Variants in BAZ2B observed in about 807,000 individuals in gnomAD.
BAZ2B encodes the protein bromodomain adjacent to zinc finger domain protein 2B.
In BAZ2B, 91 loss-of-function variants were observed where a neutral mutation model predicts 246.0. The observed-to-expected ratio is 0.37, with a 90% CI of 0.31 to 0.44. BAZ2B has a LOEUF of 0.44. Among genes scored for constraint, BAZ2B ranks in the 20% least tolerant of loss-of-function variants. BAZ2B has a pLI of 1.00. For missense variants in BAZ2B, 2,332 were observed against 2,533.7 expected, an observed-to-expected ratio of 0.92 and a Z score of 1.71; for synonymous variants, 855 against 860.0, an observed-to-expected ratio of 0.99 and a Z score of 0.10.
Position 159,350,213 on chromosome 2 carries a change from T to G in BAZ2B, c.4358A>C (p.Lys1453Thr). Residue 1453 changes from lysine (K) to threonine (T), a missense_variant, in exon 28 of 37, where the codon AAA (lysine) becomes ACA (threonine). Physicochemically the swap from Lys to Thr is moderately conservative, Grantham distance 78. Coordinates refer to ENST00000392783, the MANE Select transcript of BAZ2B (RefSeq NM_013450.4). ...CTGAAGGAATAGATTTGTGTTATCTTTTTCTTTAAGATCTTCCTTTTGTTC... is the reference window on the plus strand; with the variant it reads ...CTGAAGGAATAGATTTGTGTTATCTGTTTCTTTAAGATCTTCCTTTTGTTC... ...HCEQKEDLKEKDNTNLFLQKP... is the reference protein window; with the variant it reads ...HCEQKEDLKETDNTNLFLQKP... The G allele has an allele frequency of 4.3e-6, 7 of 1,613,996 alleles. No homozygotes were observed. Among genetic ancestry groups the G allele is most frequent in the Non-Finnish European group, 5.9e-6 (7 of 1,179,958 alleles).
At chr2:159,362,621 C>T (rs1271575770) in intron 27 of BAZ2B, among the ~76,000 whole-genome samples, 1 of 152,174 alleles carries the variant, frequency 6.6e-6, no homozygotes, top group African/African-American at 2.4e-5. Flanking sequence ...TGGTGCCCAA[C>T]AAAGTCCCGA....
At chr2:159,550,121 G>C (rs745675443) in intron 2 of BAZ2B, among the ~76,000 whole-genome samples, 24 of 152,110 alleles carry the variant, frequency 1.6e-4, no homozygotes, top group Non-Finnish European at 2.9e-4. Flanking sequence ...GATTAAAAAA[G>C]GCGTGAGCCA....
At chr2:159,680,780 T>A in the BAZ2B span, among the ~76,000 whole-genome samples, 1 of 152,200 alleles carries the variant, frequency 6.6e-6, no homozygotes. Context: ...TGTTACCCCC[T>A]ATTGCAAAAT....
chr2:159,429,304 T>C (rs2070632744), intron 10 of BAZ2B, 44 bp from the exon 11 acceptor site: 2 of 1,132,300 alleles, frequency 1.8e-6, no homozygotes, highest in East Asian at 5.3e-5. Context: ...TTCATTAATA[T>C]AAATAATAAT....
the BAZ2B span, among the ~76,000 whole-genome samples, chr2:159,702,491 T>A: frequency 4.0e-5 from 6 of 151,388 alleles, no homozygotes; most frequent in Non-Finnish European, 8.8e-5. Flanking sequence ...CCCATTAAAG[T>A]CTTGACATAC....
chr2:159,686,068 C>T, the BAZ2B span, among the ~76,000 whole-genome samples: 1 of 152,170 alleles, frequency 6.6e-6, no homozygotes, highest in South Asian at 2.1e-4. Flanking sequence ...TCAAGACCAC[C>T]TTGGGAAACA....
chr2:159,573,200 G>T (rs1684445886), intron 1 of BAZ2B, among the ~76,000 whole-genome samples: 1 of 152,096 alleles, frequency 6.6e-6, no homozygotes, highest in African/African-American at 2.4e-5. Flanking sequence ...GGCCAGGATT[G>T]CCAAAATAAT....
intron 1 of BAZ2B, among the ~76,000 whole-genome samples, chr2:159,604,951 TGCGC>T (rs66698312): frequency 2.8e-5 from 4 of 144,326 alleles, no homozygotes; most frequent in South Asian, 2.1e-4. Flanking sequence ...TGTGTGTGTG[TGCGC>T]GTGTGTGCGC....
the BAZ2B span, among the ~76,000 whole-genome samples, chr2:159,705,311 C>T: frequency 6.6e-6 from 1 of 152,056 alleles, no homozygotes. Flanking sequence ...TGTGAGCCAC[C>T]ACGCCCAGTG....
chr2:159,397,854 AT>A (rs34725967), intron 18 of BAZ2B, among the ~76,000 whole-genome samples: 112,615 of 151,592 alleles, frequency 0.74, 43,761 homozygotes, highest in Non-Finnish European at 0.88. Flanking sequence ...AATTAACATC[AT>A]TTTTTTTTCA....
intron 2 of BAZ2B, among the ~76,000 whole-genome samples, chr2:159,485,723 A>T (rs1274435029): frequency 1.3e-5 from 2 of 152,128 alleles, no homozygotes; most frequent in Non-Finnish European, 1.5e-5. Flanking sequence ...CCAACAAAAA[A>T]CACACACAAA....
At chr2:159,598,297 ATTCT>A (rs1164704238) in intron 1 of BAZ2B, among the ~76,000 whole-genome samples, 3 of 152,054 alleles carry the variant, frequency 2.0e-5, no homozygotes, top group African/African-American at 7.2e-5. Context: ...TGGCTGACTT[ATTCT>A]TTCACCTCAT....
chr2:159,632,141 G>A, the BAZ2B span, among the ~76,000 whole-genome samples: 4 of 152,162 alleles, frequency 2.6e-5, no homozygotes, highest in African/African-American at 9.7e-5. Context: ...AGTTTTTGAA[G>A]TAATTTTACA....
chr2:159,463,501 A>G (rs2076659431), intron 3 of BAZ2B: 1 of 159,382 alleles, frequency 6.3e-6, no homozygotes, highest in Non-Finnish European at 1.4e-5. Context: ...CCCCATTAAC[A>G]GTGTACAAGC....
At chr2:159,536,225 TTTTA>T (rs2085968949) in intron 2 of BAZ2B, 2 of 152,218 alleles carry the variant, frequency 1.3e-5, no homozygotes, top group South Asian at 2.1e-4. Flanking sequence ...ATTGATTGAT[TTTTA>T]TTTATTTACT....
intron 4 of BAZ2B, among the ~76,000 whole-genome samples, chr2:159,450,741 CTTTTTTT>C (rs201235112): frequency 7.0e-6 from 1 of 143,456 alleles, no homozygotes. Context: ...ACATTTAACT[CTTTTTTT>C]TTTTTTTTTG....
At chr2:159,548,435 AACT>A (rs1246597107) in intron 2 of BAZ2B, among the ~76,000 whole-genome samples, 1 of 152,198 alleles carries the variant, frequency 6.6e-6, no homozygotes, top group Non-Finnish European at 1.5e-5. Context: ...ATAATGACTT[AACT>A]ATCACTTACA....
intron 26 of BAZ2B, 31 bp downstream of exon 26, chr2:159,374,660 G>A (rs1211522918): frequency 6.4e-7 from 1 of 1,572,920 alleles, no homozygotes; most frequent in Non-Finnish European, 8.7e-7. Context: ...ACACTGTGAA[G>A]AAGTTAAATG....
chr2:159,325,638 A>G lies in BAZ2B; in HGVS notation c.6209+15T>C. The G allele has an allele frequency of 6.3e-7, 1 of 1,579,046 alleles. No individual in the cohort carries two copies. Among genetic ancestry groups the G allele is most frequent in the South Asian group, 1.2e-5 (1 of 83,054 alleles). On this transcript the variant is annotated intron_variant, in intron 35 of 36. Transcript: ENST00000392783. ...GGCATTATAAATATACAGTGCATGAAAACGGAAATAATACCTGCAAAGAGC... is the reference window on the plus strand; with the variant it reads ...GGCATTATAAATATACAGTGCATGAGAACGGAAATAATACCTGCAAAGAGC...
Sources: gnomAD v4.1 joint callset for allele counts (sites outside exome capture counted in the v4.1 genomes callset) on GRCh38, gnomAD v4.1.1 for gene constraint, MANE v1.5 for transcripts, NCBI Gene and HGNC (gene_info 2026-07-23, HGNC 2026-07-21) for gene names.